SLC46A1: variants seen among roughly 807,000 people sequenced by gnomAD.
SLC46A1 encodes proton-coupled folate transporter.
A neutral mutation model predicts 32.1 loss-of-function variants in SLC46A1; 17 were observed. That is an observed-to-expected ratio of 0.53 (90% CI 0.36 to 0.79). SLC46A1 has a LOEUF of 0.79. Ranked by LOEUF, SLC46A1 falls within the 30% of genes least tolerant of loss-of-function variation. The probability of loss-of-function intolerance (pLI) is 0.00; values close to 1 mark genes in which losing one functional copy is unlikely to be tolerated. For synonymous variants in SLC46A1, 240 were observed against 262.7 expected, an observed-to-expected ratio of 0.91 and a Z score of 0.84; for missense variants, 517 against 588.2, an observed-to-expected ratio of 0.88 and a Z score of 1.25.
intron 2 of SLC46A1, 133 bp downstream of exon 2, chr17:28,404,483 C>T: frequency 8.6e-7 from 1 of 1,162,204 alleles, no homozygotes; most frequent in South Asian, 1.4e-5. Context: ...GTCTGTTCTC[C>T]AGTGCAGGCT....
rs1340218708 is a variant in SLC46A1 at position 28,394,993 on chromosome 17, G to T, written c.*4663C>A. ...GATCTAAGGGAGTCTTATCTCTGGT[G>T]CCATTTGGTCTTCCTAAGTAATTAC... On this transcript the variant is annotated 3_prime_UTR_variant, in exon 5 of 5. Transcript: ENST00000612814. 6.7e-6 allele frequency: 1 copy of T among 148,912 alleles called. No individual in the cohort carries two copies. Among genetic ancestry groups the T allele is most frequent in the East Asian group, 2.0e-4 (1 of 5,010 alleles). The allele number at this position is 148,912 out of a possible 1,614,324, so 9.2% of individuals were successfully genotyped here. A position where few individuals can be genotyped will look rare whatever the true frequency, so the allele number is the denominator to read the frequency against.
Position 28,404,633 on chromosome 17 carries a change from G to A in SLC46A1, c.1064C>T (p.Thr355Met), listed in dbSNP as rs1164744443. 33 of 1,610,714 alleles carry A rather than the reference G, an allele frequency of 2.0e-5. No individual in the cohort carries two copies. The highest frequency in any genetic ancestry group is 4.5e-5 in the East Asian group (2 of 44,826). Residue 355 changes from threonine to methionine, a missense_variant, in exon 2 of 5, where the codon ACG (threonine) becomes ATG (methionine). Physicochemically the swap from Thr to Met is moderately conservative, Grantham distance 81. Transcript: ENST00000612814. ...CACTTTACCTGTGAACATGAGAGGC[G>A]TGATAGTGGCAAAGGCAAAGACCAC... ...GMVVFAFATI[T>M]PLMFTGYGLL... is the part of the protein sequence containing the mutation.
Position 28,396,074 on chromosome 17 carries a change from T to C in SLC46A1, c.*3582A>G, listed in dbSNP as rs554361394. 3.1e-6 allele frequency: 5 copies of C among 1,613,496 alleles called. No homozygotes were observed. The highest frequency in any genetic ancestry group is 4.2e-6 in the Non-Finnish European group (5 of 1,179,594). On this transcript the variant is annotated 3_prime_UTR_variant, in exon 5 of 5. Coordinates refer to ENST00000612814, the MANE Select transcript of SLC46A1 (RefSeq NM_080669.6). ...CAGGGGGGTAGGGTACAAATCACCA[T>C]GACAGGCAGAGTGTGGGCAAACAGC...
In SLC46A1 at chr17:28,406,048, C is replaced by T. The variant is rs1249700111; in HGVS notation, c.67G>A (p.Gly23Ser). 6.2e-7 allele frequency: 1 copy of T among 1,605,708 alleles called. No homozygotes were observed. The highest frequency in any genetic ancestry group is 1.3e-5 in the African/African-American group (1 of 74,772). The change falls in exon 1 of 5, where the codon GGC (glycine) becomes AGC (serine). Residue 23 changes from glycine to serine, a missense_variant. Transcript: ENST00000612814. The surrounding 1 kb of genome is among the most constrained non-coding windows in gnomAD (Gnocchi z 4.5). ...AGGAAGACCAGCGGCTCTACCGGGC[C>T]CCGGCACAGCACGGCAGCCGCAGGG... Reference protein sequence around the residue: ...ARPAAAVLCRGPVEPLVFLAN... With the variant: ...ARPAAAVLCRSPVEPLVFLAN...
chr17:28,399,424 C>G lies in SLC46A1; in HGVS notation c.*232G>C, dbSNP rs1450540092. On this transcript the variant is annotated 3_prime_UTR_variant, in exon 5 of 5. Transcript: ENST00000612814. ...CTCCTGTCCCAAATAGCTCCTCTGC[C>G]ACCTGTCCTGCAGTGGGCCTGTGTG... 10 of 554,782 alleles carry G rather than the reference C, an allele frequency of 1.8e-5. No homozygotes were observed. In the African/African-American group the frequency reaches 1.9e-4, roughly 10 times the overall value. 34.4% of individuals were successfully genotyped at this position (554,782 alleles called of 1,614,324 possible). A position where few individuals can be genotyped will look rare whatever the true frequency, so the allele number is the denominator to read the frequency against.
At position 28,395,722 on chromosome 17, in the gene SLC46A1, CA is replaced by C. The variant is rs2068112850; in HGVS notation, c.*3933del. 1.6e-6 allele frequency: 1 copy of C among 622,470 alleles called. No homozygotes were observed. The highest frequency in any genetic ancestry group is 3.0e-5 in the Admixed American group (1 of 33,866). The allele number at this position is 622,470 out of a possible 1,614,324, so 38.6% of individuals were successfully genotyped here. On this transcript the variant is annotated 3_prime_UTR_variant, in exon 5 of 5. Transcript: ENST00000612814. ...GCAGCTCTGTGCCAGGAACTCTGGGCAAAGGAAAAATATTTATTTTTTATTA... is the reference window on the plus strand; with the variant it reads ...GCAGCTCTGTGCCAGGAACTCTGGGCAAGGAAAAATATTTATTTTTTATTA...
chr17:28,406,470 C>G (rs1360960140), upstream of SLC46A1: 1 of 246,314 alleles, frequency 4.1e-6, no homozygotes, highest in East Asian at 8.0e-5. The surrounding 1 kb of genome is among the most constrained non-coding windows in gnomAD (Gnocchi z 4.5). Flanking sequence ...GTGCTGGGCA[C>G]GGTATTAAAC....
chr17:28,404,920 G>T lies in SLC46A1; in HGVS notation c.777C>A (p.Ala259=). The change falls in exon 2 of 5, where the codon GCC becomes GCA. Residue 259 remains alanine (A), a synonymous_variant. Transcript: ENST00000612814. ...RSIVQLYVAP[A]PEKSRKHLAL... ...CTAAATGTTTCCTGGACTTCTCTGGGGCGGGAGCCACATAGAGCTGGACAA... is the reference window on the plus strand; with the variant it reads ...CTAAATGTTTCCTGGACTTCTCTGGTGCGGGAGCCACATAGAGCTGGACAA... 1 of 1,614,056 alleles carries T rather than the reference G, an allele frequency of 6.2e-7. No individual in the cohort carries two copies.
Position 28,400,786 on chromosome 17 carries a change from A to G in SLC46A1, c.1166-20T>C. Reference sequence around the variant, plus strand: ...GAGCACCTGTGAAGAAATAAATACCATACTCTGGAGTCCGAAAGGGCCATA... The same window carrying G: ...GAGCACCTGTGAAGAAATAAATACCGTACTCTGGAGTCCGAAAGGGCCATA... On this transcript the variant is annotated intron_variant, in intron 3 of 4. Transcript: ENST00000612814. 6.4e-7 allele frequency: 1 copy of G among 1,552,276 alleles called. No individual in the cohort carries two copies. The highest frequency in any genetic ancestry group is 1.2e-5 in the South Asian group (1 of 84,152).
chr17:28,404,211 T>A (rs34514237), intron 2 of SLC46A1: 3,574 of 192,386 alleles, frequency 0.019, 40 homozygotes, highest in Non-Finnish European at 0.029. Flanking sequence ...AGAAGCTGAC[T>A]AAGGGTATTT....
chr17:28,397,345 T>A lies in SLC46A1; in HGVS notation c.*2311A>T, dbSNP rs574561659. The A allele has an allele frequency of 6.6e-6, 1 of 152,322 alleles. No homozygotes were observed. Among genetic ancestry groups the A allele is most frequent in the South Asian group, 2.1e-4 (1 of 4,820 alleles). 9.4% of individuals were successfully genotyped at this position (152,322 alleles called of 1,614,324 possible). Reference sequence around the variant, plus strand: ...CTAGGACTCTGCATTTCTTACAGATTCCCAGGTGAGCTGATGCTGGTGGTT... The same window carrying A: ...CTAGGACTCTGCATTTCTTACAGATACCCAGGTGAGCTGATGCTGGTGGTT... On this transcript the variant is annotated 3_prime_UTR_variant, in exon 5 of 5. Transcript: ENST00000612814.
At position 28,396,057 on chromosome 17, in the gene SLC46A1, T is replaced by C. The variant is rs781790508; in HGVS notation, c.*3599A>G. On this transcript the variant is annotated 3_prime_UTR_variant, in exon 5 of 5. Coordinates refer to ENST00000612814, the MANE Select transcript of SLC46A1 (RefSeq NM_080669.6). Reference sequence around the variant, plus strand: ...CCCCAGGGCCCTGGGACCAGGGGGGTAGGGTACAAATCACCATGACAGGCA... The same window carrying C: ...CCCCAGGGCCCTGGGACCAGGGGGGCAGGGTACAAATCACCATGACAGGCA... 25 of 1,612,934 alleles carry C rather than the reference T, an allele frequency of 1.5e-5. No individual in the cohort carries two copies. Among genetic ancestry groups the C allele is most frequent in the Non-Finnish European group, 2.1e-5 (25 of 1,179,594 alleles).
At chr17:28,401,900 G>C (rs2068200770) in intron 3 of SLC46A1, 1 of 190,568 alleles carries the variant, frequency 5.2e-6, no homozygotes, top group African/African-American at 2.3e-5. Context: ...TGTACACGCT[G>C]ACCCCAGAGA....
At chr17:28,400,451 G>A in intron 4 of SLC46A1, 159 bp downstream of exon 4, 1 of 894,638 alleles carries the variant, frequency 1.1e-6, no homozygotes, top group South Asian at 1.8e-5. Flanking sequence ...GCTCCTGGAG[G>A]ATTAGGCAGC....
In SLC46A1 at chr17:28,396,647, C is replaced by T. The variant is rs2239910; in HGVS notation, c.*3009G>A. The T allele has an allele frequency of 1.2e-4, 29 of 233,292 alleles. No homozygotes were observed. Among genetic ancestry groups the T allele is most frequent in the Non-Finnish European group, 1.9e-4 (22 of 118,732 alleles). 14.5% of individuals were successfully genotyped at this position (233,292 alleles called of 1,614,324 possible). A position where few individuals can be genotyped will look rare whatever the true frequency, so the allele number is the denominator to read the frequency against. On this transcript the variant is annotated 3_prime_UTR_variant, in exon 5 of 5. Transcript: ENST00000612814. ...ATAGCAGTCAGCTTGAGGAGGATGA[C>T]GGAAGGCAGCCTCAGACAGGAATTA...
chr17:28,402,449 G>A (rs1555589839), intron 2 of SLC46A1, 128 bp from the exon 3 acceptor site: 4 of 724,780 alleles, frequency 5.5e-6, no homozygotes, highest in Non-Finnish European at 7.0e-6. Flanking sequence ...CTTCCTTGAT[G>A]GTGAGGGTGG....
chr17:28,406,061 G>A lies in SLC46A1; in HGVS notation c.54C>T (p.Ala18=), dbSNP rs1224800929. Residue 18 remains alanine, a synonymous_variant, in exon 1 of 5, where the codon GCC becomes GCT. Coordinates refer to ENST00000612814, the MANE Select transcript of SLC46A1 (RefSeq NM_080669.6). This position sits in a 1 kb window ranked among gnomAD's most constrained non-coding sequence, Gnocchi z 4.5. ...PEKPRARPAA[A]VLCRGPVEPL... is the part of the protein sequence containing the mutation. ...GCTCTACCGGGCCCCGGCACAGCACGGCAGCCGCAGGGCGGGCGCGGGGCT... is the reference window on the plus strand; with the variant it reads ...GCTCTACCGGGCCCCGGCACAGCACAGCAGCCGCAGGGCGGGCGCGGGGCT... 6.3e-7 allele frequency: 1 copy of A among 1,598,882 alleles called. No homozygotes were observed.
At position 28,399,703 on chromosome 17, in the gene SLC46A1, T is replaced by G; in HGVS notation, c.1333A>C (p.Lys445Gln). 2 of 1,613,926 alleles carry G rather than the reference T, an allele frequency of 1.2e-6. No homozygotes were observed. Among genetic ancestry groups the G allele is most frequent in the Non-Finnish European group, 1.7e-6 (2 of 1,179,872 alleles). The change falls in exon 5 of 5, where the codon AAG (lysine) becomes CAG (glutamine). Residue 445 changes from lysine to glutamine, a missense_variant. Lys to Gln is a moderately conservative substitution (Grantham distance 53). Coordinates refer to ENST00000612814, the MANE Select transcript of SLC46A1 (RefSeq NM_080669.6). ...IPAVLIGMLE[K>Q]ADPHLEFQQF... is the part of the protein sequence containing the mutation. ...TGGAACTCGAGGTGAGGATCAGCCTTTTCCAGCATCCTGTGAGAGACCAGA... is the reference window on the plus strand; with the variant it reads ...TGGAACTCGAGGTGAGGATCAGCCTGTTCCAGCATCCTGTGAGAGACCAGA...
chr17:28,403,095 G>A (rs2068216962), intron 2 of SLC46A1: 1 of 152,308 alleles, frequency 6.6e-6, no homozygotes, highest in South Asian at 2.1e-4. Context: ...TGGAAGAAAT[G>A]AGAAACACGT....
Sources: allele counts gnomAD v4.1 joint callset, GRCh38; gene constraint gnomAD v4.1.1; non-coding constraint Gnocchi (gnomAD v3.1); transcripts MANE v1.5; gene names NCBI Gene and HGNC (gene_info 2026-07-23, HGNC 2026-07-21).